The following JAKMIP3 variants were observed in gnomAD, a reference collection of about 807,000 sequenced individuals.
JAKMIP3 encodes Janus kinase and microtubule interacting protein 3.
A neutral mutation model predicts 118.5 loss-of-function variants in JAKMIP3; 58 were observed. That is an observed-to-expected ratio of 0.49 (90% CI 0.40 to 0.61). The LOEUF (loss-of-function observed/expected upper bound fraction) is 0.61, where lower values mean the gene tolerates loss of function less well. Among genes scored for constraint, JAKMIP3 ranks in the 20% least tolerant of loss-of-function variants. The pLI, the probability that JAKMIP3 is intolerant of heterozygous loss-of-function variation, is 0.00. For synonymous variants in JAKMIP3, 486 were observed against 451.2 expected, an observed-to-expected ratio of 1.08 and a Z score of -0.98; for missense variants, 950 against 1,109.0, an observed-to-expected ratio of 0.86 and a Z score of 2.04.
At chr10:132,119,315 A>C (rs965379243) in intron 3 of JAKMIP3, among the ~76,000 whole-genome samples, 1 of 152,178 alleles carries the variant, frequency 6.6e-6, no homozygotes, top group Non-Finnish European at 1.5e-5. Context: ...CTAAGGTCTT[A>C]AATTTCAAAG....
At chr10:132,071,636 T>C (rs749894593) in intron 1 of JAKMIP3, among the ~76,000 whole-genome samples, 1 of 152,246 alleles carries the variant, frequency 6.6e-6, no homozygotes, top group Non-Finnish European at 1.5e-5. Flanking sequence ...GGGGTACATA[T>C]AGATTTAGGA....
At chr10:132,159,374 G>GGT (rs1195642191) in intron 19 of JAKMIP3, among the ~76,000 whole-genome samples, 2 of 84,758 alleles carry the variant, frequency 2.4e-5, no homozygotes, top group Non-Finnish European at 5.2e-5. Flanking sequence ...GATGCTGGTT[G>GGT]GGGGGGGTCT....
At chr10:132,137,638 C>T (rs1243454905) in intron 8 of JAKMIP3, among the ~76,000 whole-genome samples, 1 of 152,228 alleles carries the variant, frequency 6.6e-6, no homozygotes, top group Non-Finnish European at 1.5e-5. Context: ...CAGGCAGCCG[C>T]AGCCCAAGAG....
rs376878339 is a variant in JAKMIP3 at position 132,118,868 on chromosome 10, GGGAA to G, written c.633+1304_633+1307del. Among the ~76,000 whole-genome samples, 8 of 152,338 alleles carry G rather than the reference GGGAA, an allele frequency of 5.3e-5. No individual in the cohort carries two copies. Among genetic ancestry groups the G allele is most frequent in the African/African-American group, 1.9e-4 (8 of 41,572 alleles). On this transcript the variant is annotated intron_variant, in intron 3 of 23. Coordinates refer to ENST00000684848, the MANE Select transcript of JAKMIP3 (RefSeq NM_001323087.2). This position sits in a 1 kb window ranked among gnomAD's most constrained non-coding sequence, Gnocchi z 4.8. ...GACACGATGCTTGCTTTTCTGTGCG[GGGAA>G]GGAAGGAAGCGTTGCCACTGTCCCG... is the stretch of plus-strand genomic sequence containing the variant.
chr10:132,153,635 CT>C, intron 17 of JAKMIP3, 123 bp from the exon 18 acceptor site: 1 of 921,440 alleles, frequency 1.1e-6, no homozygotes. Flanking sequence ...GGGCTGTGCT[CT>C]CCCCTCCCTA....
At chr10:132,167,917 T>C (rs1410576551) in intron 22 of JAKMIP3, 36 bp from the exon 23 acceptor site, 2 of 1,276,096 alleles carry the variant, frequency 1.6e-6, no homozygotes, top group Middle Eastern at 2.1e-4. Context: ...AAGCGGAGCC[T>C]CGCTGACTCT....
upstream of JAKMIP3, among the ~76,000 whole-genome samples, chr10:132,062,291 G>A (rs1013499412): frequency 1.3e-5 from 2 of 152,200 alleles, no homozygotes; most frequent in Admixed American, 6.5e-5. Context: ...GCTGCTTTGG[G>A]TAGCAGCTTG....
chr10:132,120,349 C>T (rs1052739138), intron 3 of JAKMIP3, among the ~76,000 whole-genome samples: 2 of 152,134 alleles, frequency 1.3e-5, no homozygotes, highest in Non-Finnish European at 2.9e-5. Context: ...ATCCCATCCG[C>T]GGTGTGACTC....
chr10:132,155,429 G>A (rs1167702431), intron 19 of JAKMIP3, among the ~76,000 whole-genome samples: 1 of 152,214 alleles, frequency 6.6e-6, no homozygotes, highest in Non-Finnish European at 1.5e-5. Flanking sequence ...TGCTGCACTA[G>A]GCATCTCTCC....
intron 23 of JAKMIP3, among the ~76,000 whole-genome samples, chr10:132,169,419 C>G (rs2059252947): frequency 2.6e-5 from 4 of 152,240 alleles, no homozygotes; most frequent in Admixed American, 2.6e-4. Context: ...CCGCCCCACA[C>G]TCGGCCCCGG....
chr10:132,159,246 GCCTCTCCCTGTGTGATGTCGGGGGCA>G (rs2057513961), intron 19 of JAKMIP3, among the ~76,000 whole-genome samples: 1 of 97,878 alleles, frequency 1.0e-5, no homozygotes, highest in Non-Finnish European at 2.0e-5. Context: ...TGCTGGGGGG[GCCTCTCCCTGTGTGATGTCGGGGGCA>G]CCTCTTCCTC....
intron 20 of JAKMIP3, among the ~76,000 whole-genome samples, chr10:132,163,715 A>G (rs117122604): frequency 0.11 from 16,752 of 152,246 alleles, 1,256 homozygotes; most frequent in Non-Finnish European, 0.15. Context: ...CATGCCTGTC[A>G]ATGGCAGGCA....
At chr10:132,094,580 G>C (rs1225944361) in intron 1 of JAKMIP3, among the ~76,000 whole-genome samples, 1 of 152,130 alleles carries the variant, frequency 6.6e-6, no homozygotes, top group Non-Finnish European at 1.5e-5. Context: ...TGGTACTGGG[G>C]GTTGTCTGCC....
At chr10:132,109,850 C>T (rs2046581578) in intron 2 of JAKMIP3, among the ~76,000 whole-genome samples, 1 of 152,188 alleles carries the variant, frequency 6.6e-6, no homozygotes. Flanking sequence ...ATGTGGGGAT[C>T]CTTGATTTGC....
chr10:132,076,419 G>A (rs531193284), intron 1 of JAKMIP3, among the ~76,000 whole-genome samples: 5 of 152,266 alleles, frequency 3.3e-5, no homozygotes, highest in East Asian at 3.8e-4. Context: ...GTTGACTGAC[G>A]TTTGGGTCAT....
intron 23 of JAKMIP3, chr10:132,181,583 A>AG (rs1242205243): frequency 1.3e-5 from 2 of 152,264 alleles, no homozygotes; most frequent in East Asian, 3.8e-4. Flanking sequence ...ACAAAGAACA[A>AG]GGTACTATGT....
At position 132,138,187 on chromosome 10, in the gene JAKMIP3, C is replaced by A; in HGVS notation, c.1344+9C>A. ...TGGCAAAACTTCCCAAGGTAAGGAA[C>A]AGCACACCGGCACGTGCGGAGAGTA... On this transcript the variant is annotated intron_variant, in intron 9 of 23. Coordinates refer to ENST00000684848, the MANE Select transcript of JAKMIP3 (RefSeq NM_001323087.2). The A allele has an allele frequency of 6.2e-7, 1 of 1,607,156 alleles. No homozygotes were observed. The highest frequency in any genetic ancestry group is 8.5e-7 in the Non-Finnish European group (1 of 1,176,628).
In JAKMIP3 at chr10:132,150,049, G is replaced by A. The variant is rs201564425; in HGVS notation, c.2007+8G>A. On this transcript the variant is annotated splice_region_variant and intron_variant, in intron 16 of 23. Coordinates refer to ENST00000684848, the MANE Select transcript of JAKMIP3 (RefSeq NM_001323087.2). Reference sequence around the variant, plus strand: ...GGCGATAACGCCGTAAGTGTATGTCGCTCTCCTGGCTTGTGCATGCCTCTT... The same window carrying A: ...GGCGATAACGCCGTAAGTGTATGTCACTCTCCTGGCTTGTGCATGCCTCTT... 2.2e-4 allele frequency: 355 copies of A among 1,592,244 alleles called. 1 individual carries two copies. The East Asian group carries it at 4.5e-3, about 20-fold the overall frequency.
chr10:132,125,284 G>A (rs1365088738), intron 3 of JAKMIP3, among the ~76,000 whole-genome samples: 3 of 152,238 alleles, frequency 2.0e-5, no homozygotes, highest in African/African-American at 7.2e-5. Context: ...ATCCCTGCTT[G>A]CTGTGTGGAT....
Sources: gnomAD v4.1 joint callset for allele counts (sites outside exome capture counted in the v4.1 genomes callset) on GRCh38, gnomAD v4.1.1 for gene constraint, Gnocchi (gnomAD v3.1) non-coding constraint, MANE v1.5 for transcripts, NCBI Gene and HGNC (gene_info 2026-07-23, HGNC 2026-07-21) for gene names.